BRWD3: variants seen among roughly 807,000 people sequenced by gnomAD.
The protein encoded by BRWD3 is bromodomain and WD repeat-containing protein 3.
Under a neutral mutation model 149.7 loss-of-function variants are expected in BRWD3, and 10 were observed. That is an observed-to-expected ratio of 0.07 (90% CI 0.04 to 0.11). The LOEUF is 0.11. Among genes scored for constraint, BRWD3 ranks in the 10% least tolerant of loss-of-function variants. The pLI is 1.00. For synonymous variants in BRWD3, 504 were observed against 456.7 expected, an observed-to-expected ratio of 1.10 and a Z score of -1.32; for missense variants, 940 against 1,373.2, an observed-to-expected ratio of 0.68 and a Z score of 4.99.
chrX:80,736,152 G>A, intron 8 of BRWD3, 64 bp from the exon 9 acceptor site: 1 of 684,613 alleles, frequency 1.5e-6, no homozygotes, highest in Non-Finnish European at 2.2e-6. Flanking sequence ...ATCAAACACG[G>A]AGTATTTTCA....
chrX:80,795,591 GAAC>G (rs764853596), intron 4 of BRWD3, among the ~76,000 whole-genome samples: 3 of 109,112 alleles, frequency 2.7e-5, no homozygotes, highest in African/African-American at 1.0e-4. Context: ...GGTCAATCAA[GAAC>G]AATAGGCTGG....
chrX:80,713,884 T>C (rs1279669640), intron 20 of BRWD3, among the ~76,000 whole-genome samples: 3 of 111,681 alleles, frequency 2.7e-5, no homozygotes, highest in Non-Finnish European at 3.8e-5. Flanking sequence ...TTACAAACCA[T>C]AGAGTCCCAT....
At chrX:80,710,947 AAAGT>A (rs1233049101) in intron 20 of BRWD3, among the ~76,000 whole-genome samples, 2 of 111,016 alleles carry the variant, frequency 1.8e-5, no homozygotes, top group Non-Finnish European at 3.8e-5. Context: ...TTATATGAAA[AAAGT>A]AAGTGTCTTT....
At chrX:80,753,651 T>A (rs777737340) in intron 6 of BRWD3, among the ~76,000 whole-genome samples, 1 of 111,786 alleles carries the variant, frequency 8.9e-6, no homozygotes, top group Non-Finnish European at 1.9e-5. Context: ...TTTTTATAGT[T>A]GTGGGTATTA....
chrX:80,790,169 A>G (rs1395422812), intron 6 of BRWD3, among the ~76,000 whole-genome samples: 1 of 98,051 alleles, frequency 1.0e-5, no homozygotes, highest in African/African-American at 3.8e-5. Flanking sequence ...CTGAGTGACA[A>G]GAGACAACAG....
chrX:80,722,859 A>G, intron 16 of BRWD3, 72 bp from the exon 17 acceptor site: 2 of 926,253 alleles, frequency 2.2e-6, no homozygotes, highest in South Asian at 4.1e-5. Flanking sequence ...TCATTCCTTG[A>G]GCACACTCAT....
chrX:80,674,866 T>G lies in BRWD3; in HGVS notation c.*1743A>C, dbSNP rs908262442. The stretch of plus-strand genomic sequence containing the variant: ...CCGACCCTACCAAAAAAGCAAAGTT[T>G]TATGTGTGTACGCCTTCCTCTGCAC... On this transcript the variant is annotated 3_prime_UTR_variant, in exon 41 of 41. Coordinates refer to ENST00000373275, the MANE Select transcript of BRWD3 (RefSeq NM_153252.5). 1 of 111,772 alleles carries G rather than the reference T, an allele frequency of 8.9e-6. No homozygotes were observed. The highest frequency in any genetic ancestry group is 1.9e-5 in the Non-Finnish European group (1 of 52,991). 9.2% of individuals were successfully genotyped at this position (111,772 alleles called of 1,213,427 possible).
At chrX:80,709,912 CTGTGCT>C in intron 20 of BRWD3, 1 of 775,780 alleles carries the variant, frequency 1.3e-6, no homozygotes. Context: ...GCAACCAGAC[CTGTGCT>C]GGAACCACAT....
intron 6 of BRWD3, among the ~76,000 whole-genome samples, chrX:80,778,028 C>T (rs916278602): frequency 1.8e-5 from 2 of 110,750 alleles, no homozygotes; most frequent in African/African-American, 6.6e-5. Flanking sequence ...GAAAGAGAAA[C>T]CAAATTATTT....
intron 7 of BRWD3, among the ~76,000 whole-genome samples, chrX:80,744,487 C>CCA (rs1409166965): frequency 8.9e-6 from 1 of 112,187 alleles, no homozygotes; most frequent in African/African-American, 3.2e-5. Context: ...TTCAAAATTA[C>CCA]CACCAATACT....
intron 10 of BRWD3, among the ~76,000 whole-genome samples, chrX:80,734,498 A>G (rs2073375650): frequency 9.0e-6 from 1 of 111,648 alleles, no homozygotes; most frequent in Non-Finnish European, 1.9e-5. Flanking sequence ...TAGAAATGCA[A>G]TGTTCCAAAA....
intron 4 of BRWD3, among the ~76,000 whole-genome samples, chrX:80,799,673 G>T (rs1328532197): frequency 1.8e-5 from 2 of 111,554 alleles, no homozygotes; most frequent in African/African-American, 6.5e-5. Context: ...GAGATAACAG[G>T]GTACTTTGAA....
chrX:80,772,359 A>G (rs947627420), intron 6 of BRWD3, among the ~76,000 whole-genome samples: 3 of 111,433 alleles, frequency 2.7e-5, no homozygotes, highest in Non-Finnish European at 5.6e-5. Context: ...TGAGCAAACT[A>G]TCATAAGGAC....
At chrX:80,721,296 T>C (rs1193586391) in intron 17 of BRWD3, among the ~76,000 whole-genome samples, 2 of 111,780 alleles carry the variant, frequency 1.8e-5, no homozygotes, top group African/African-American at 6.5e-5. Context: ...TCTGATAAAT[T>C]AGACTTTCTT....
chrX:80,773,416 C>T (rs1419789491), intron 6 of BRWD3, among the ~76,000 whole-genome samples: 6 of 111,461 alleles, frequency 5.4e-5, no homozygotes, highest in Non-Finnish European at 1.1e-4. Flanking sequence ...AAATTGCATG[C>T]TTTTTCATGA....
intron 25 of BRWD3, among the ~76,000 whole-genome samples, 160 bp from the exon 26 acceptor site, chrX:80,697,023 A>G (rs772290970): frequency 1.1e-4 from 12 of 111,826 alleles, no homozygotes; most frequent in Admixed American, 2.9e-4. Flanking sequence ...CTTAACTCCT[A>G]ATAGCAGGTT....
intron 8 of BRWD3, among the ~76,000 whole-genome samples, chrX:80,742,062 T>C (rs2073519723): frequency 9.0e-6 from 1 of 111,686 alleles, no homozygotes. Context: ...TTTAAGTCTT[T>C]AATCCATCTT....
At chrX:80,704,488 T>G in intron 23 of BRWD3, among the ~76,000 whole-genome samples, 190 bp downstream of exon 23, 1 of 112,201 alleles carries the variant, frequency 8.9e-6, no homozygotes, top group Non-Finnish European at 1.9e-5. Flanking sequence ...AATGAAACAT[T>G]CTAGCCTCTA....
At chrX:80,713,297 T>C (rs2073019390) in intron 20 of BRWD3, among the ~76,000 whole-genome samples, 1 of 111,971 alleles carries the variant, frequency 8.9e-6, no homozygotes, top group Non-Finnish European at 1.9e-5. Context: ...TTGCTGTGTC[T>C]GTGTAGAAAG....
Sources: allele counts gnomAD v4.1 joint callset (sites outside exome capture counted in the v4.1 genomes callset), GRCh38; gene constraint gnomAD v4.1.1; transcripts MANE v1.5; gene names NCBI Gene and HGNC (gene_info 2026-07-23, HGNC 2026-07-21).